Variants in TESPA1 observed in about 807,000 individuals in gnomAD.
TESPA1 encodes the protein protein TESPA1.
In TESPA1, 33 loss-of-function variants were observed where a neutral mutation model predicts 57.9. The observed-to-expected ratio is 0.57, with a 90% CI of 0.43 to 0.76. The LOEUF (loss-of-function observed/expected upper bound fraction) is 0.76, where lower values mean the gene tolerates loss of function less well. Ranked by LOEUF, TESPA1 falls within the 30% of genes least tolerant of loss-of-function variation. TESPA1 has a pLI of 0.00. For synonymous variants in TESPA1, 227 were observed against 228.9 expected, an observed-to-expected ratio of 0.99 and a Z score of 0.07; for missense variants, 618 against 632.9, an observed-to-expected ratio of 0.98 and a Z score of 0.25.
intron 10 of TESPA1, among the ~76,000 whole-genome samples, chr12:54,952,689 T>G (rs1950473930): frequency 6.6e-6 from 1 of 152,230 alleles, no homozygotes; most frequent in Admixed American, 6.5e-5. Flanking sequence ...AAATAGTCTT[T>G]GGACCAGGTC....
At chr12:54,967,276 G>T (rs1460900099) in intron 4 of TESPA1, 40 bp from the exon 5 acceptor site, 1 of 1,605,102 alleles carries the variant, frequency 6.2e-7, no homozygotes. Flanking sequence ...AAACCAGGAT[G>T]GAACATATAC....
rs1035400582 is a variant in TESPA1, at chr12:54,964,025, T to C, written c.447-75A>G. ...TAATTCAGAATATCAGAATATCTAA[T>C]AAAAGTGTCAGAAGACTGAAATTCT... On this transcript the variant is annotated intron_variant, in intron 7 of 10. Coordinates refer to ENST00000449076, the MANE Select transcript of TESPA1 (RefSeq NM_001136030.3). The C allele has an allele frequency of 2.1e-6, 3 of 1,431,416 alleles. No homozygotes were observed. In the African/African-American group the frequency reaches 4.3e-5, roughly 20 times the overall value. 88.7% of individuals were successfully genotyped at this position (1,431,416 alleles called of 1,614,324 possible).
Position 54,950,123 on chromosome 12 carries a change from C to A in TESPA1, c.*269G>T, listed in dbSNP as rs1487579455. The stretch of plus-strand genomic sequence containing the variant: ...TTTTAATACACACATAGTAGAGAAA[C>A]CAGTGTACAGAGAAATGAAGAGATG... On this transcript the variant is annotated 3_prime_UTR_variant, in exon 11 of 11. Transcript: ENST00000449076. The A allele has an allele frequency of 8.2e-6, 3 of 364,824 alleles. No individual in the cohort carries two copies. The highest frequency in any genetic ancestry group is 1.6e-5 in the Non-Finnish European group (3 of 184,558). The allele number at this position is 364,824 out of a possible 1,614,324, so 22.6% of individuals were successfully genotyped here. A position where few individuals can be genotyped will look rare whatever the true frequency, so the allele number is the denominator to read the frequency against.
chr12:54,953,303 A>T (rs111979003), intron 10 of TESPA1, among the ~76,000 whole-genome samples: 27 of 151,986 alleles, frequency 1.8e-4, no homozygotes. Flanking sequence ...TTCAGTTTTG[A>T]TCTTTCTCCA....
intron 4 of TESPA1, 115 bp from the exon 5 acceptor site, chr12:54,967,351 AC>A: frequency 8.5e-7 from 1 of 1,178,196 alleles, no homozygotes; most frequent in Non-Finnish European, 1.2e-6. Context: ...GACTTGCACA[AC>A]CAGATAATCA....
At chr12:54,951,112 G>C (rs1288007022) in intron 10 of TESPA1, among the ~76,000 whole-genome samples, 2 of 152,160 alleles carry the variant, frequency 1.3e-5, no homozygotes, top group African/African-American at 4.8e-5. Context: ...CAAATATCAT[G>C]TTGAATTGTG....
intron 1 of TESPA1, chr12:54,981,792 G>C (rs1360358954): frequency 6.6e-6 from 1 of 152,240 alleles, no homozygotes; most frequent in Admixed American, 6.5e-5. Flanking sequence ...AGTTCCAGAT[G>C]CATGCTTTCT....
chr12:54,969,118 CAT>C (rs1427374785), intron 3 of TESPA1, among the ~76,000 whole-genome samples: 2 of 147,900 alleles, frequency 1.4e-5, no homozygotes, highest in African/African-American at 5.0e-5. Flanking sequence ...AAAAATCAAC[CAT>C]GTTTACCAAA....
chr12:54,963,447 T>A (rs1393022926), intron 8 of TESPA1, among the ~76,000 whole-genome samples: 1 of 152,084 alleles, frequency 6.6e-6, no homozygotes, highest in Non-Finnish European at 1.5e-5. Flanking sequence ...ATATTCCAAC[T>A]GGGAAACAAA....
In TESPA1 at chr12:54,974,363, A is replaced by G. The variant is rs1447236949; in HGVS notation, c.163+37T>C. On this transcript the variant is annotated intron_variant, in intron 2 of 10. Transcript: ENST00000449076. ...GGGCCTGCTGTCACCTTTTGCCGCCAGACAACATAGACGCCTGTCTGATGT... is the reference window on the plus strand; with the variant it reads ...GGGCCTGCTGTCACCTTTTGCCGCCGGACAACATAGACGCCTGTCTGATGT... 2.6e-6 allele frequency: 4 copies of G among 1,531,120 alleles called. No homozygotes were observed. The Admixed American group carries it at 8.0e-5, about 31-fold the overall frequency. The allele number at this position is 1,531,120 out of a possible 1,614,324, so 94.8% of individuals were successfully genotyped here.
chr12:54,978,043 A>G (rs1262014824), intron 1 of TESPA1, among the ~76,000 whole-genome samples: 1 of 151,740 alleles, frequency 6.6e-6, no homozygotes, highest in African/African-American at 2.4e-5. Context: ...GGAAATCTGC[A>G]GGAAGCGGCA....
Position 54,963,171 on chromosome 12 carries a change from T to C in TESPA1, c.727A>G (p.Lys243Glu). ...GGTGTGAACTTTTGGACAGGTGTCT[T>C]AGACACATAGGAGTAGAGACAGAAG... Reference protein sequence around the residue: ...AFFCLYSYVSKTPVQKFTPSH... With the variant: ...AFFCLYSYVSETPVQKFTPSH... The change falls in exon 9 of 11, where the codon AAG (lysine) becomes GAG (glutamate). Residue 243 changes from lysine to glutamate, a missense_variant. Lys to Glu is a moderately conservative substitution (Grantham distance 56, BLOSUM62 1). Transcript: ENST00000449076. The C allele has an allele frequency of 6.2e-7, 1 of 1,613,860 alleles. No homozygotes were observed. The highest frequency in any genetic ancestry group is 8.5e-7 in the Non-Finnish European group (1 of 1,179,866).
Position 54,982,141 on chromosome 12 carries a change from TGGA to T in TESPA1, c.-46+2441_-46+2443del, listed in dbSNP as rs1952344785. 5.9e-5 allele frequency among the ~76,000 whole-genome samples: 9 copies of T among 152,342 alleles called. 1 individual carries two copies. The South Asian group carries it at 1.9e-3, about 32-fold the overall frequency. On this transcript the variant is annotated intron_variant, in intron 1 of 10. Transcript: ENST00000449076. ...TGGACAAACTCCACCTCAACCCAGG[TGGA>T]TTGTCCCCCATTTGACATACCCCAA...
chr12:54,962,000 A>G (rs897637860), intron 9 of TESPA1, among the ~76,000 whole-genome samples: 2 of 152,206 alleles, frequency 1.3e-5, no homozygotes, highest in East Asian at 3.8e-4. Context: ...ATTTTAGCAC[A>G]GAAGTCCTAA....
chr12:54,963,269 G>A (rs1380479050), intron 8 of TESPA1, 27 bp from the exon 9 acceptor site: 13 of 1,577,788 alleles, frequency 8.2e-6, no homozygotes, highest in South Asian at 1.1e-5. Flanking sequence ...AAGATGGTAA[G>A]TCTGGGGTTC....
chr12:54,974,683 A>G, intron 1 of TESPA1, 76 bp from the exon 2 acceptor site: 1 of 1,150,848 alleles, frequency 8.7e-7, no homozygotes, highest in Non-Finnish European at 1.1e-6. Flanking sequence ...TGCCCCCTGA[A>G]TTTTCCTGTG....
intron 10 of TESPA1, among the ~76,000 whole-genome samples, chr12:54,956,952 C>T (rs549936012): frequency 3.9e-5 from 6 of 152,140 alleles, no homozygotes; most frequent in East Asian, 1.9e-4. Context: ...AATCCATTTA[C>T]GAGGACAGAG....
chr12:54,948,773 CT>C lies in TESPA1; in HGVS notation c.*1618del, dbSNP rs1950218450. The C allele has an allele frequency of 6.6e-6, 1 of 152,254 alleles. No homozygotes were observed. The highest frequency in any genetic ancestry group is 2.1e-4 in the South Asian group (1 of 4,836). The allele number at this position is 152,254 out of a possible 1,614,324, so 9.4% of individuals were successfully genotyped here. A position where few individuals can be genotyped will look rare whatever the true frequency, so the allele number is the denominator to read the frequency against. On this transcript the variant is annotated 3_prime_UTR_variant, in exon 11 of 11. Coordinates refer to ENST00000449076, the MANE Select transcript of TESPA1 (RefSeq NM_001136030.3). The stretch of plus-strand genomic sequence containing the variant: ...AGTGTGAGAATGGACTAATACAGTT[CT>C]TTAAATGAAATATTGTCAGATATTT...
Position 54,950,309 on chromosome 12 carries a change from G to A in TESPA1, c.*83C>T, listed in dbSNP as rs771317615. The A allele has an allele frequency of 2.2e-6, 1 of 456,974 alleles. No homozygotes were observed. Among genetic ancestry groups the A allele is most frequent in the South Asian group, 1.5e-5 (1 of 64,564 alleles). The allele number at this position is 456,974 out of a possible 1,614,324, so 28.3% of individuals were successfully genotyped here. ...GGGGCTGGATGTTGAGGGCAGTGCA[G>A]TTTCCTGCAAGAGGTGGCTTTTAGT... is the stretch of plus-strand genomic sequence containing the variant. On this transcript the variant is annotated 3_prime_UTR_variant, in exon 11 of 11. Transcript: ENST00000449076.
Sources: allele counts gnomAD v4.1 joint callset (sites outside exome capture counted in the v4.1 genomes callset), GRCh38; gene constraint gnomAD v4.1.1; transcripts MANE v1.5; gene names NCBI Gene and HGNC (gene_info 2026-07-23, HGNC 2026-07-21).